ZC3H13: variants seen among roughly 807,000 people sequenced by gnomAD.
The protein encoded by ZC3H13 is zinc finger CCCH domain-containing protein 13.
In ZC3H13, 64 loss-of-function variants were observed where a neutral mutation model predicts 204.1. The ratio of observed to expected loss-of-function variants is 0.31; its 90% confidence interval spans 0.26 to 0.39. ZC3H13 has a LOEUF of 0.39. Among genes scored for constraint, ZC3H13 ranks in the 10% least tolerant of loss-of-function variants. The probability of loss-of-function intolerance (pLI) is 1.00; values close to 1 mark genes in which losing one functional copy is unlikely to be tolerated. For synonymous variants in ZC3H13, 667 were observed against 693.7 expected, an observed-to-expected ratio of 0.96 and a Z score of 0.60; for missense variants, 1,833 against 2,082.7, an observed-to-expected ratio of 0.88 and a Z score of 2.33.
rs560652937 is a variant in ZC3H13 at position 46,026,460 on chromosome 13, G to A, written c.340-5903C>T. Among the ~76,000 whole-genome samples, 54 of 151,942 alleles carry A rather than the reference G, an allele frequency of 3.6e-4. 1 individual carries two copies. The highest frequency in any genetic ancestry group is 3.1e-3 in the Admixed American group (47 of 15,274). ...AAAAATATAGGATGCCCAAAGAATA[G>A]ATGTTTTATATATATTTATAGAACC... On this transcript the variant is annotated intron_variant, in intron 4 of 18. Transcript: ENST00000679008.
At chr13:46,019,132 T>G (rs1463951012) in intron 5 of ZC3H13, among the ~76,000 whole-genome samples, 2 of 152,168 alleles carry the variant, frequency 1.3e-5, no homozygotes, top group African/African-American at 4.8e-5. Flanking sequence ...CAGGTTTCCT[T>G]TAAGTACTGA....
At chr13:46,001,518 A>C (rs144783445) in intron 8 of ZC3H13, 103 of 152,370 alleles carry the variant, frequency 6.8e-4, no homozygotes, top group African/African-American at 2.3e-3. Flanking sequence ...AGATTTGTCT[A>C]CATACTAAAT....
In ZC3H13 at chr13:46,004,548, A is replaced by AT. The variant is rs920677705; in HGVS notation, c.747-1213dup. Among the ~76,000 whole-genome samples, 22 of 152,104 alleles carry AT rather than the reference A, an allele frequency of 1.4e-4. 1 individual carries two copies. Among genetic ancestry groups the AT allele is most frequent in the East Asian group, 1.4e-3 (7 of 5,182 alleles). On this transcript the variant is annotated intron_variant, in intron 7 of 18. Coordinates refer to ENST00000679008, the MANE Select transcript of ZC3H13 (RefSeq NM_001330564.2). ...GAGTAAGACTCTAACTCAAAATAAA[A>AT]TTTTTTTTAAAAAAGCAGATTTAGG...
In ZC3H13 at chr13:45,986,192, T is replaced by C. The variant is rs571600607; in HGVS notation, c.1256-431A>G. ...TACTTAAGCACTTTAGGGTAGCCTA[T>C]GGTTAGTAAGCTAGCTGGTTGAGTG... On this transcript the variant is annotated intron_variant, in intron 9 of 18. Transcript: ENST00000679008. Among the ~76,000 whole-genome samples the C allele has an allele frequency of 2.0e-5, 3 of 152,368 alleles. No individual in the cohort carries two copies. The East Asian group carries it at 5.8e-4, about 29-fold the overall frequency.
chr13:45,963,246 CA>C (rs1951820618), intron 17 of ZC3H13: 4 of 985,602 alleles, frequency 4.1e-6, no homozygotes, highest in Non-Finnish European at 4.8e-6. Flanking sequence ...AGCTCTTAAT[CA>C]CTTTGTTAAA....
chr13:46,012,577 C>T (rs2041636809), intron 5 of ZC3H13, among the ~76,000 whole-genome samples: 1 of 152,124 alleles, frequency 6.6e-6, no homozygotes, highest in African/African-American at 2.4e-5. Flanking sequence ...TCCATTCATG[C>T]TTGGGGACTG....
chr13:45,972,462 G>A lies in ZC3H13; in HGVS notation c.2469-1997C>T, dbSNP rs185705249. On this transcript the variant is annotated intron_variant, in intron 12 of 18. Coordinates refer to ENST00000679008, the MANE Select transcript of ZC3H13 (RefSeq NM_001330564.2). Reference sequence around the variant, plus strand: ...TCAGAAGGGGGAGGGTGGAAGGGGAGTGAGGGATAAAAACGTACATGTTTG... The same window carrying A: ...TCAGAAGGGGGAGGGTGGAAGGGGAATGAGGGATAAAAACGTACATGTTTG... Among the ~76,000 whole-genome samples, 42 of 152,296 alleles carry A rather than the reference G, an allele frequency of 2.8e-4. 2 individuals carry two copies. In the East Asian group the frequency reaches 6.6e-3, roughly 24 times the overall value.
Position 45,975,223 on chromosome 13 carries a change from G to T in ZC3H13, c.2468+60C>A. The stretch of plus-strand genomic sequence containing the variant: ...AAGAGTATATTGAAAAGCATTAAAT[G>T]AAACTTTGAATTCTTTCCTGAAATG... On this transcript the variant is annotated intron_variant, in intron 12 of 18. Coordinates refer to ENST00000679008, the MANE Select transcript of ZC3H13 (RefSeq NM_001330564.2). The T allele has an allele frequency of 8.4e-6, 13 of 1,549,534 alleles. No individual in the cohort carries two copies. The South Asian group carries it at 1.6e-4, about 20-fold the overall frequency.
At chr13:45,995,280 G>C (rs2138371710) in intron 8 of ZC3H13, among the ~76,000 whole-genome samples, 1 of 152,248 alleles carries the variant, frequency 6.6e-6, no homozygotes. Context: ...AAGCAAGTTG[G>C]ACAAAAGCTA....
Position 45,969,905 on chromosome 13 carries a change from T to C in ZC3H13, c.2639A>G (p.His880Arg), listed in dbSNP as rs554495252. ...PQESRSLSPS[H>R]LTEDRQGRWK... Reference sequence around the variant, plus strand: ...TCTACCCTGTCTGTCTTCTGTGAGGTGCGAGGGACTAAGAGAACGAGATTC... The same window carrying C: ...TCTACCCTGTCTGTCTTCTGTGAGGCGCGAGGGACTAAGAGAACGAGATTC... Residue 880 changes from histidine to arginine, a missense_variant, in exon 14 of 19, where the codon CAC becomes CGC. His to Arg is a conservative substitution (Grantham distance 29). This residue lies in a region of ZC3H13 where 1,574 missense variants were observed against 1,757.2 expected (regional missense o/e 0.90). Coordinates refer to ENST00000679008, the MANE Select transcript of ZC3H13 (RefSeq NM_001330564.2). 2 of 1,613,816 alleles carry C rather than the reference T, an allele frequency of 1.2e-6. No individual in the cohort carries two copies. Among genetic ancestry groups the C allele is most frequent in the South Asian group, 2.2e-5 (2 of 91,070 alleles).
intron 10 of ZC3H13, among the ~76,000 whole-genome samples, chr13:45,981,707 GT>G (rs1354905536): frequency 6.6e-6 from 1 of 152,080 alleles, no homozygotes; most frequent in African/African-American, 2.4e-5. Flanking sequence ...TCTCATTGTG[GT>G]TTTGATTTGC....
chr13:46,030,454 T>C (rs2042824020), intron 4 of ZC3H13, among the ~76,000 whole-genome samples: 1 of 152,214 alleles, frequency 6.6e-6, no homozygotes, highest in Non-Finnish European at 1.5e-5. Flanking sequence ...GACATGATTG[T>C]CTATGTAGAA....
chr13:46,040,575 A>T (rs1313143013), intron 4 of ZC3H13, among the ~76,000 whole-genome samples: 1 of 152,144 alleles, frequency 6.6e-6, no homozygotes, highest in East Asian at 1.9e-4. Flanking sequence ...ACAAGCAACA[A>T]TAATAACAAA....
intron 4 of ZC3H13, among the ~76,000 whole-genome samples, chr13:46,025,243 TTTG>T (rs773762785): frequency 2.0e-5 from 3 of 152,224 alleles, no homozygotes; most frequent in Non-Finnish European, 4.4e-5. Context: ...TACGCAAAAC[TTTG>T]TTTTCTTCTC....
In ZC3H13 at chr13:45,963,698, G is replaced by A. The variant is rs370085373; in HGVS notation, c.4675+144C>T. The A allele has an allele frequency of 3.2e-4, 483 of 1,488,078 alleles. 5 individuals are homozygous for A. The South Asian group carries it at 6.4e-3, about 20-fold the overall frequency. The allele number at this position is 1,488,078 out of a possible 1,614,324, so 92.2% of individuals were successfully genotyped here. On this transcript the variant is annotated intron_variant, in intron 17 of 18. Transcript: ENST00000679008. ...TTTAAAGAGAAACTTTGACCATGAG[G>A]GTTAAATAATGATTATAAAATGATT...
chr13:45,972,507 G>C, intron 12 of ZC3H13, among the ~76,000 whole-genome samples: 1 of 152,108 alleles, frequency 6.6e-6, no homozygotes, highest in East Asian at 1.9e-4. Flanking sequence ...GGACTACTCA[G>C]GTGACAGGTG....
intron 4 of ZC3H13, among the ~76,000 whole-genome samples, chr13:46,026,110 GT>G (rs2042528466): frequency 6.6e-6 from 1 of 151,880 alleles, no homozygotes; most frequent in African/African-American, 2.4e-5. Context: ...TGAAACTGTA[GT>G]TTATTTTGTT....
chr13:46,048,944 C>A (rs551396360), intron 1 of ZC3H13, among the ~76,000 whole-genome samples: 1 of 151,838 alleles, frequency 6.6e-6, no homozygotes, highest in African/African-American at 2.4e-5. Context: ...TCCTGGCCAA[C>A]AGATCGAGAC....
rs1341867822 is a variant in ZC3H13, at chr13:45,980,381, G to C, written c.1721-377C>G. ...GGGTACGTATTATTGCTTAAATACA[G>C]TTTACAGTGAAAACATTCCAACATA... is the stretch of plus-strand genomic sequence containing the variant. On this transcript the variant is annotated intron_variant, in intron 10 of 18. Coordinates refer to ENST00000679008, the MANE Select transcript of ZC3H13 (RefSeq NM_001330564.2). Among the ~76,000 whole-genome samples, 3 of 152,102 alleles carry C rather than the reference G, an allele frequency of 2.0e-5. No homozygotes were observed. The East Asian group carries it at 5.8e-4, about 29-fold the overall frequency.
Sources: gnomAD v4.1 joint callset for allele counts (sites outside exome capture counted in the v4.1 genomes callset) on GRCh38, gnomAD v4.1.1 for gene constraint, gnomAD v4.1.1 regional missense constraint, MANE v1.5 for transcripts, NCBI Gene and HGNC (gene_info 2026-07-23, HGNC 2026-07-21) for gene names.